Variants in YWHAQ observed in about 807,000 individuals in gnomAD.
The protein encoded by YWHAQ is 14-3-3 protein theta.
In YWHAQ, 6 loss-of-function variants were observed where a neutral mutation model predicts 28.3. That is an observed-to-expected ratio of 0.21 (90% confidence interval 0.12 to 0.42). YWHAQ has a LOEUF of 0.42. Among genes scored for constraint, YWHAQ ranks in the 10% least tolerant of loss-of-function variants. The pLI, the probability that YWHAQ is intolerant of heterozygous loss-of-function variation, is 1.00. For missense variants in YWHAQ, 201 were observed against 305.6 expected, an observed-to-expected ratio of 0.66 and a Z score of 2.55; for synonymous variants, 143 against 119.1, an observed-to-expected ratio of 1.20 and a Z score of -1.31.
At chr2:9,587,878 C>A (rs977608611) in intron 4 of YWHAQ, among the ~76,000 whole-genome samples, 8 of 152,226 alleles carry the variant, frequency 5.3e-5, no homozygotes, top group African/African-American at 1.9e-4. Context: ...CCAAACCTGG[C>A]AGGCATGACT....
chr2:9,590,200 T>C (rs1482119466), intron 3 of YWHAQ, among the ~76,000 whole-genome samples: 2 of 152,218 alleles, frequency 1.3e-5, no homozygotes, highest in Non-Finnish European at 2.9e-5. Context: ...TACAGCTATG[T>C]CTCAATCTCC....
At chr2:9,592,168 C>T (rs1337198387) in intron 2 of YWHAQ, among the ~76,000 whole-genome samples, 6 of 152,176 alleles carry the variant, frequency 3.9e-5, no homozygotes, top group African/African-American at 1.4e-4. Flanking sequence ...AAGTATCCAT[C>T]TAAAATGAGG....
In YWHAQ at chr2:9,630,117, T is replaced by C; in HGVS notation, c.294+42A>G. On this transcript the variant is annotated intron_variant, in intron 2 of 5. Transcript: ENST00000238081. This position sits in a 1 kb window ranked among gnomAD's most constrained non-coding sequence, Gnocchi z 5.6. ...CCCGCGAAACTCTCAATGAAAAGCA[T>C]CTCACAAAAGGCCTCCCCTGCTCCC... is the stretch of plus-strand genomic sequence containing the variant. 6.3e-7 allele frequency: 1 copy of C among 1,576,090 alleles called. No homozygotes were observed. The highest frequency in any genetic ancestry group is 1.1e-5 in the South Asian group (1 of 87,430).
intron 2 of YWHAQ, among the ~76,000 whole-genome samples, chr2:9,599,343 T>C (rs895172380): frequency 1.3e-5 from 2 of 152,118 alleles, no homozygotes; most frequent in Non-Finnish European, 2.9e-5. Flanking sequence ...CTAGCTAATA[T>C]CACTGATGAA....
At chr2:9,595,030 G>A (rs1028440677) in intron 2 of YWHAQ, among the ~76,000 whole-genome samples, 5 of 152,162 alleles carry the variant, frequency 3.3e-5, no homozygotes, top group African/African-American at 4.8e-5. Flanking sequence ...TAACCATTAC[G>A]TATGATTTAC....
At chr2:9,609,708 T>C (rs1175645567) in intron 2 of YWHAQ, among the ~76,000 whole-genome samples, 4 of 152,172 alleles carry the variant, frequency 2.6e-5, no homozygotes, top group African/African-American at 9.7e-5. Flanking sequence ...GACAGCTGAT[T>C]TTTCATCAGA....
At chr2:9,598,992 A>T (rs552806489) in intron 2 of YWHAQ, among the ~76,000 whole-genome samples, 5 of 152,232 alleles carry the variant, frequency 3.3e-5, no homozygotes, top group Non-Finnish European at 5.9e-5. Context: ...AGTGCAAAGA[A>T]AGAGCTCTTG....
chr2:9,609,137 C>G (rs1381598876), intron 2 of YWHAQ, among the ~76,000 whole-genome samples: 1 of 152,114 alleles, frequency 6.6e-6, no homozygotes, highest in Non-Finnish European at 1.5e-5. Flanking sequence ...AGGGTTACTA[C>G]AGGATTTTCT....
intron 2 of YWHAQ, among the ~76,000 whole-genome samples, chr2:9,608,939 TCAAA>T (rs35056773): frequency 0.035 from 5,290 of 151,630 alleles, 286 homozygotes; most frequent in African/African-American, 0.12. Flanking sequence ...AGACTCCAAA[TCAAA>T]CAAACAAACA....
intron 2 of YWHAQ, among the ~76,000 whole-genome samples, chr2:9,621,671 A>G (rs1369002186): frequency 6.6e-6 from 1 of 152,170 alleles, no homozygotes; most frequent in Non-Finnish European, 1.5e-5. Context: ...TGACAAATGT[A>G]TAAAACCCAA....
At chr2:9,614,641 G>A (rs2125071006) in intron 2 of YWHAQ, among the ~76,000 whole-genome samples, 1 of 152,270 alleles carries the variant, frequency 6.6e-6, no homozygotes, top group South Asian at 2.1e-4. Flanking sequence ...TATATCCTAA[G>A]AAGACTACTA....
chr2:9,613,968 A>G (rs534064211), intron 2 of YWHAQ, among the ~76,000 whole-genome samples: 2 of 152,352 alleles, frequency 1.3e-5, no homozygotes, highest in African/African-American at 2.4e-5. Context: ...GTGAGCTGCA[A>G]TGTGACAGTA....
intron 2 of YWHAQ, among the ~76,000 whole-genome samples, chr2:9,614,203 C>T (rs1428575053): frequency 1.3e-5 from 2 of 152,150 alleles, no homozygotes; most frequent in Non-Finnish European, 2.9e-5. Flanking sequence ...TTAATACTTC[C>T]ACTGGTGACA....
chr2:9,601,985 T>C (rs764719930), intron 2 of YWHAQ, among the ~76,000 whole-genome samples: 13 of 152,160 alleles, frequency 8.5e-5, no homozygotes, highest in Non-Finnish European at 1.8e-4. Flanking sequence ...GTTGTCTATA[T>C]ATCAAATGAA....
At chr2:9,595,203 T>C (rs1666545871) in intron 2 of YWHAQ, among the ~76,000 whole-genome samples, 1 of 152,216 alleles carries the variant, frequency 6.6e-6, no homozygotes, top group Admixed American at 6.5e-5. Context: ...GATGTATACT[T>C]TAGCTCAACT....
chr2:9,609,594 AT>A (rs1666905566), intron 2 of YWHAQ, among the ~76,000 whole-genome samples: 1 of 152,132 alleles, frequency 6.6e-6, no homozygotes, highest in African/African-American at 2.4e-5. Context: ...ATAAAAAAAA[AT>A]CATACCTAGA....
At chr2:9,617,612 T>C (rs1667062337) in intron 2 of YWHAQ, among the ~76,000 whole-genome samples, 1 of 152,206 alleles carries the variant, frequency 6.6e-6, no homozygotes, top group Non-Finnish European at 1.5e-5. Context: ...CTAACTTTTA[T>C]GTTACGTGTT....
intron 2 of YWHAQ, among the ~76,000 whole-genome samples, chr2:9,619,580 G>A (rs1230747842): frequency 6.6e-6 from 1 of 151,764 alleles, no homozygotes; most frequent in Admixed American, 6.6e-5. Flanking sequence ...AAAACAAAGA[G>A]TTACATGTAA....
chr2:9,615,884 A>G (rs1446507920), intron 2 of YWHAQ, among the ~76,000 whole-genome samples: 3 of 152,196 alleles, frequency 2.0e-5, no homozygotes, highest in Non-Finnish European at 4.4e-5. Flanking sequence ...GTAAATTAAC[A>G]TGCCTCAATT....
Sources: allele counts gnomAD v4.1 joint callset (sites outside exome capture counted in the v4.1 genomes callset), GRCh38; gene constraint gnomAD v4.1.1; non-coding constraint Gnocchi (gnomAD v3.1); transcripts MANE v1.5; gene names NCBI Gene and HGNC (gene_info 2026-07-23, HGNC 2026-07-21).